Variants in TBL1XR1 observed in about 807,000 individuals in gnomAD.
TBL1XR1 encodes F-box-like/WD repeat-containing protein TBL1XR1.
TBL1XR1 carries 5 observed loss-of-function variants against 66.9 expected under a neutral mutation model. The observed-to-expected ratio is 0.07, with a 90% CI of 0.04 to 0.16. The LOEUF (loss-of-function observed/expected upper bound fraction) is 0.16. Among genes scored for constraint, TBL1XR1 ranks in the 10% least tolerant of loss-of-function variants. The pLI is 1.00. For synonymous variants in TBL1XR1, 210 were observed against 206.0 expected, an observed-to-expected ratio of 1.02 and a Z score of -0.17; for missense variants, 238 against 623.2, an observed-to-expected ratio of 0.38 and a Z score of 6.58.
chr3:177,188,083 C>T (rs1309159811), intron 1 of TBL1XR1, among the ~76,000 whole-genome samples: 3 of 151,690 alleles, frequency 2.0e-5, no homozygotes, highest in Non-Finnish European at 4.4e-5. Flanking sequence ...AGGCACATGC[C>T]ACCACACCCG....
At chr3:177,133,072 T>C (rs958263011) in intron 1 of TBL1XR1, among the ~76,000 whole-genome samples, 5 of 152,142 alleles carry the variant, frequency 3.3e-5, no homozygotes, top group African/African-American at 1.2e-4. Context: ...GAGGATTACC[T>C]GTCAGGAGTT....
chr3:177,152,067 T>C (rs914094975), intron 1 of TBL1XR1, among the ~76,000 whole-genome samples: 3 of 152,154 alleles, frequency 2.0e-5, no homozygotes, highest in South Asian at 4.1e-4. Flanking sequence ...TTGTTCCAAG[T>C]TGATTCAAAT....
At chr3:177,143,961 A>T (rs969419852) in intron 1 of TBL1XR1, among the ~76,000 whole-genome samples, 13 of 152,192 alleles carry the variant, frequency 8.5e-5, no homozygotes, top group African/African-American at 3.1e-4. Context: ...TAAGAAAGTG[A>T]CATATTCAGG....
rs201148329 is a variant in TBL1XR1 at position 177,156,492 on chromosome 3, CA to C, written c.-122+40628del. On this transcript the variant is annotated intron_variant, in intron 1 of 15. Transcript: ENST00000457928. ...CTAGGGACAGAGTGAGACTCCATCT[CA>C]AAAAAAAAAAATTATATATATACAT... Among the ~76,000 whole-genome samples, 5,697 of 130,524 alleles carry C rather than the reference CA, an allele frequency of 0.044. 708 individuals carry two copies. The East Asian group carries it at 0.5, about 11-fold the overall frequency. The allele number at this position is 130,524 out of a possible 152,430, so 85.6% of individuals were successfully genotyped here. A position where few individuals can be genotyped will look rare whatever the true frequency, so the allele number is the denominator to read the frequency against.
intron 2 of TBL1XR1, among the ~76,000 whole-genome samples, chr3:177,087,461 T>G (rs1049450566): frequency 6.6e-6 from 1 of 152,090 alleles, no homozygotes; most frequent in Non-Finnish European, 1.5e-5. Context: ...CCTTTTTGTT[T>G]TAAAAACTCT....
chr3:177,040,472 A>G (rs1050933769), intron 10 of TBL1XR1, among the ~76,000 whole-genome samples: 1 of 152,234 alleles, frequency 6.6e-6, no homozygotes, highest in African/African-American at 2.4e-5. Flanking sequence ...GGCTATGTTA[A>G]AAATGAAACA....
intron 1 of TBL1XR1, among the ~76,000 whole-genome samples, chr3:177,133,322 C>T (rs535281457): frequency 6.6e-6 from 1 of 151,994 alleles, no homozygotes; most frequent in African/African-American, 2.4e-5. Context: ...AATAAATAAA[C>T]GAATCCACAA....
chr3:177,040,533 G>A (rs1022989560), intron 10 of TBL1XR1, among the ~76,000 whole-genome samples: 1 of 152,122 alleles, frequency 6.6e-6, no homozygotes, highest in Admixed American at 6.6e-5. Context: ...TATGTCATGC[G>A]TAAGAACTTG....
At chr3:177,200,890 G>C (rs1019758847), upstream of TBL1XR1, among the ~76,000 whole-genome samples, 17 of 151,588 alleles carry the variant, frequency 1.1e-4, no homozygotes, top group African/African-American at 3.6e-4. Flanking sequence ...GCCTGTAATC[G>C]CAGCTACTTG....
intron 1 of TBL1XR1, among the ~76,000 whole-genome samples, chr3:177,181,065 G>A (rs572337093): frequency 1.3e-5 from 2 of 152,080 alleles, no homozygotes; most frequent in African/African-American, 4.8e-5. Context: ...ATTTTCATCA[G>A]TGAGCTAGAA....
At chr3:177,159,886 G>A (rs1731967005) in intron 1 of TBL1XR1, among the ~76,000 whole-genome samples, 1 of 152,112 alleles carries the variant, frequency 6.6e-6, no homozygotes, top group Middle Eastern at 3.2e-3. Context: ...AATTTAGGAT[G>A]TCTATTTGTT....
At chr3:177,084,859 A>G (rs1721923416) in intron 2 of TBL1XR1, among the ~76,000 whole-genome samples, 1 of 152,176 alleles carries the variant, frequency 6.6e-6, no homozygotes, top group Non-Finnish European at 1.5e-5. Flanking sequence ...TGTCCTCATA[A>G]TGTTTGTTTT....
Position 177,026,481 on chromosome 3 carries a change from G to C in TBL1XR1, c.1417-7C>G, listed in dbSNP as rs761210577. On this transcript the variant is annotated splice_polypyrimidine_tract_variant and splice_region_variant and intron_variant, in intron 14 of 15. Coordinates refer to ENST00000457928, the MANE Select transcript of TBL1XR1 (RefSeq NM_024665.7). ...TGTGAACTAGAGCACCTGTCTAAAA[G>C]AATGAAAAACAAAATCTTAAAAATC... The C allele has an allele frequency of 5.1e-6, 8 of 1,567,096 alleles. No individual in the cohort carries two copies. The African/African-American group carries it at 6.9e-5, about 14-fold the overall frequency.
intron 1 of TBL1XR1, among the ~76,000 whole-genome samples, chr3:177,151,570 T>C (rs1255134570): frequency 4.6e-5 from 7 of 152,186 alleles, no homozygotes; most frequent in African/African-American, 1.7e-4. Flanking sequence ...GGAAAAACTG[T>C]CTTCCATAAA....
chr3:177,153,526 T>C (rs1400566934), intron 1 of TBL1XR1, among the ~76,000 whole-genome samples: 3 of 152,206 alleles, frequency 2.0e-5, no homozygotes, highest in African/African-American at 7.2e-5. Context: ...AATAGATGTA[T>C]GCTATTATAA....
chr3:177,060,586 A>G (rs965235452), intron 3 of TBL1XR1, among the ~76,000 whole-genome samples: 3 of 152,238 alleles, frequency 2.0e-5, no homozygotes, highest in Non-Finnish European at 2.9e-5. Context: ...TTCTTATAGA[A>G]AACAGGTTGT....
intron 14 of TBL1XR1, among the ~76,000 whole-genome samples, chr3:177,030,007 G>A (rs1713712892): frequency 6.6e-6 from 1 of 152,136 alleles, no homozygotes; most frequent in Non-Finnish European, 1.5e-5. Flanking sequence ...GTAAATGGGT[G>A]TATGCACGTT....
chr3:177,082,268 A>G (rs552414725), intron 2 of TBL1XR1, among the ~76,000 whole-genome samples: 2 of 152,296 alleles, frequency 1.3e-5, no homozygotes, highest in South Asian at 4.1e-4. Flanking sequence ...AGACCAAAAA[A>G]GAAGTCCAAA....
At chr3:177,054,073 T>TGTGTGTGTGTGTGTGTGCGC (rs145838308) in intron 3 of TBL1XR1, among the ~76,000 whole-genome samples, 155 bp from the exon 4 acceptor site, 1 of 124,816 alleles carries the variant, frequency 8.0e-6, no homozygotes, top group African/African-American at 2.9e-5. Context: ...TGTGTGTGTG[T>TGTGTGTGTGTGTGTGTGCGC]GCGCGCGCGT....
Sources: allele counts gnomAD v4.1 joint callset (sites outside exome capture counted in the v4.1 genomes callset), GRCh38; gene constraint gnomAD v4.1.1; transcripts MANE v1.5; gene names NCBI Gene and HGNC (gene_info 2026-07-23, HGNC 2026-07-21).